Variants in FGF12 observed in about 807,000 individuals in gnomAD.
The protein encoded by FGF12 is fibroblast growth factor 12B.
In FGF12, 14 loss-of-function variants were observed where a neutral mutation model predicts 23.6. The ratio of observed to expected loss-of-function variants is 0.59; its 90% CI spans 0.39 to 0.93. The LOEUF is 0.93. FGF12 is among the 40% of genes least tolerant of loss of function. The pLI is 0.00. For missense variants in FGF12, 175 were observed against 217.8 expected (o/e 0.80, Z 1.24); for synonymous variants, 62 against 77.3 (o/e 0.80, Z 1.04).
intron 2 of FGF12, among the ~76,000 whole-genome samples, chr3:192,395,855 T>C (rs1158613323): frequency 1.3e-5 from 2 of 152,160 alleles, no homozygotes; most frequent in African/African-American, 2.4e-5. Context: ...TCTGGGTAAG[T>C]GAAGGATAGG....
At chr3:192,328,609 A>C (rs1405540708) in intron 4 of FGF12, among the ~76,000 whole-genome samples, 1 of 152,152 alleles carries the variant, frequency 6.6e-6, no homozygotes, top group Non-Finnish European at 1.5e-5. Flanking sequence ...CGTGAGTATA[A>C]CCATGGTTTT....
At chr3:192,445,428 C>A (rs1286433877) in intron 2 of FGF12, among the ~76,000 whole-genome samples, 1 of 152,176 alleles carries the variant, frequency 6.6e-6, no homozygotes, top group Non-Finnish European at 1.5e-5. Flanking sequence ...ATTGTTCTTG[C>A]AAATTACACT....
chr3:192,508,768 C>T (rs1055287212), intron 2 of FGF12, among the ~76,000 whole-genome samples: 9 of 152,120 alleles, frequency 5.9e-5, no homozygotes, highest in Non-Finnish European at 1.2e-4. Context: ...TACTCATTTC[C>T]ATTAAAGCTC....
intron 2 of FGF12, among the ~76,000 whole-genome samples, chr3:192,363,724 G>GT (rs1303075822): frequency 2.0e-5 from 3 of 152,062 alleles, no homozygotes; most frequent in Admixed American, 6.6e-5. Context: ...CTCAGCTATC[G>GT]TAAGTGAGAA....
intron 2 of FGF12, among the ~76,000 whole-genome samples, chr3:192,365,936 C>A (rs941982788): frequency 1.4e-5 from 2 of 146,010 alleles, no homozygotes; most frequent in South Asian, 4.4e-4. Context: ...GAATTTTAGA[C>A]GTGGAAAGGA....
At chr3:192,339,165 T>C (rs1717565554) in intron 3 of FGF12, among the ~76,000 whole-genome samples, 1 of 152,180 alleles carries the variant, frequency 6.6e-6, no homozygotes, top group African/African-American at 2.4e-5. Flanking sequence ...CGAGACTTTA[T>C]TGGTAAAAGC....
chr3:192,280,719 G>A (rs1714094341), intron 4 of FGF12, among the ~76,000 whole-genome samples: 1 of 152,134 alleles, frequency 6.6e-6, no homozygotes, highest in Non-Finnish European at 1.5e-5. Flanking sequence ...AAGTTAATCA[G>A]TTAGTTGAAG....
intron 2 of FGF12, among the ~76,000 whole-genome samples, chr3:192,705,386 A>T (rs1718434678): frequency 6.6e-6 from 1 of 152,256 alleles, no homozygotes; most frequent in South Asian, 2.1e-4. Flanking sequence ...GATGGGGAAC[A>T]GACAGTCAGT....
At chr3:192,451,821 G>A (rs1419823526) in intron 2 of FGF12, among the ~76,000 whole-genome samples, 6 of 152,186 alleles carry the variant, frequency 3.9e-5, no homozygotes, top group South Asian at 4.1e-4. Context: ...TATGCATTCC[G>A]CTACTGACGG....
At chr3:192,456,222 G>A (rs1372160950) in intron 2 of FGF12, among the ~76,000 whole-genome samples, 5 of 152,036 alleles carry the variant, frequency 3.3e-5, no homozygotes, top group Non-Finnish European at 7.4e-5. Flanking sequence ...GTATTGTTAT[G>A]TTTTAGACCT....
At chr3:192,633,328 G>A (rs927102115) in intron 2 of FGF12, among the ~76,000 whole-genome samples, 16 of 152,114 alleles carry the variant, frequency 1.1e-4, no homozygotes, top group African/African-American at 2.9e-4. Context: ...TTACAGGTGT[G>A]AGCCCTCGCG....
chr3:192,632,887 G>C (rs1025639755), intron 2 of FGF12, among the ~76,000 whole-genome samples: 2 of 152,016 alleles, frequency 1.3e-5, no homozygotes, highest in Non-Finnish European at 2.9e-5. Context: ...AGAAGCTCTG[G>C]GGGGGAATCT....
chr3:192,654,601 A>G (rs539127441), intron 2 of FGF12, among the ~76,000 whole-genome samples: 16 of 152,364 alleles, frequency 1.1e-4, no homozygotes, highest in Middle Eastern at 3.4e-3. Flanking sequence ...GTTAAGGATT[A>G]GTCCCATTTT....
intron 4 of FGF12, among the ~76,000 whole-genome samples, chr3:192,184,959 T>C (rs995985132): frequency 2.6e-5 from 4 of 152,250 alleles, no homozygotes; most frequent in South Asian, 4.1e-4. Flanking sequence ...ATATATATCT[T>C]ATCACTTCTC....
chr3:192,345,008 C>A (rs1184091341), intron 3 of FGF12, among the ~76,000 whole-genome samples: 1 of 152,170 alleles, frequency 6.6e-6, no homozygotes, highest in Non-Finnish European at 1.5e-5. Flanking sequence ...GATCAATGGG[C>A]AGAAACATCT....
At chr3:192,147,515 G>A (rs1393758991) in intron 5 of FGF12, among the ~76,000 whole-genome samples, 2 of 152,172 alleles carry the variant, frequency 1.3e-5, no homozygotes, top group African/African-American at 2.4e-5. Context: ...TGCATTATAT[G>A]TGCAAAACGT....
At chr3:192,384,790 C>T (rs1719974590) in intron 2 of FGF12, among the ~76,000 whole-genome samples, 1 of 152,126 alleles carries the variant, frequency 6.6e-6, no homozygotes, top group African/African-American at 2.4e-5. Flanking sequence ...GCATGAGTGA[C>T]ACATCCCAAG....
intron 2 of FGF12, among the ~76,000 whole-genome samples, chr3:192,378,025 CT>C (rs756491315): frequency 0.16 from 11,891 of 74,344 alleles, 1,386 homozygotes; most frequent in Middle Eastern, 0.27. Flanking sequence ...CTGACTCTTT[CT>C]TTTCTTTCTT....
At chr3:192,164,748 G>A (rs1715065356) in intron 5 of FGF12, among the ~76,000 whole-genome samples, 1 of 152,150 alleles carries the variant, frequency 6.6e-6, no homozygotes. Flanking sequence ...GATGTTAACA[G>A]TATTACCATT....
Sources: gnomAD v4.1 joint callset for allele counts (sites outside exome capture counted in the v4.1 genomes callset) on GRCh38, gnomAD v4.1.1 for gene constraint, MANE v1.5 for transcripts, NCBI Gene and HGNC (gene_info 2026-07-23, HGNC 2026-07-21) for gene names.